CDH13: variants seen among roughly 807,000 people sequenced by gnomAD.
The protein encoded by CDH13 is cadherin 13.
In CDH13, 24 loss-of-function variants were observed where a neutral mutation model predicts 63.8. The observed-to-expected ratio is 0.38, with a 90% CI of 0.27 to 0.53. The LOEUF (loss-of-function observed/expected upper bound fraction) is 0.53, where lower values mean the gene tolerates loss of function less well. Among genes scored for constraint, CDH13 ranks in the 20% least tolerant of loss-of-function variants. CDH13 has a pLI of 0.85. For synonymous variants in CDH13, 503 were observed against 355.3 expected (o/e 1.42, Z -4.67); for missense variants, 1,049 against 903.1 (o/e 1.16, Z -2.07).
chr16:83,339,260 A>C (rs1421905762), intron 5 of CDH13, among the ~76,000 whole-genome samples: 2 of 152,172 alleles, frequency 1.3e-5, no homozygotes, highest in Non-Finnish European at 2.9e-5. Context: ...CTGAGAGAGG[A>C]GCCATCCTCT....
chr16:83,665,697 G>A (rs1327248432), intron 8 of CDH13, among the ~76,000 whole-genome samples: 2 of 152,164 alleles, frequency 1.3e-5, no homozygotes, highest in African/African-American at 4.8e-5. Context: ...GGTCAAACAT[G>A]CAACTAGTCA....
chr16:83,461,250 A>G (rs2073174861), intron 6 of CDH13, among the ~76,000 whole-genome samples: 1 of 152,188 alleles, frequency 6.6e-6, no homozygotes. Flanking sequence ...CTATTTATAT[A>G]TAAAATATAT....
chr16:82,640,576 G>T (rs1379164134), intron 1 of CDH13, among the ~76,000 whole-genome samples: 1 of 152,122 alleles, frequency 6.6e-6, no homozygotes, highest in East Asian at 1.9e-4. Context: ...CACAAGCAGA[G>T]CTAGATTGGT....
At chr16:82,674,587 G>A (rs1039631819) in intron 1 of CDH13, among the ~76,000 whole-genome samples, 1 of 152,172 alleles carries the variant, frequency 6.6e-6, no homozygotes, top group Non-Finnish European at 1.5e-5. Context: ...CTTGGATCAG[G>A]TACGTGAAAC....
At chr16:82,873,076 T>A (rs1000130950) in intron 2 of CDH13, among the ~76,000 whole-genome samples, 3 of 152,082 alleles carry the variant, frequency 2.0e-5, no homozygotes, top group Non-Finnish European at 2.9e-5. Flanking sequence ...TGCTGAAGAA[T>A]GGGTGGTCAA....
chr16:83,721,454 G>A (rs1318116226), intron 10 of CDH13: 2 of 152,240 alleles, frequency 1.3e-5, no homozygotes, highest in African/African-American at 2.4e-5. Context: ...GTTTATTCTT[G>A]TAAGGCTGCC....
intron 9 of CDH13, among the ~76,000 whole-genome samples, chr16:83,677,933 C>G (rs1915097285): frequency 6.6e-6 from 1 of 152,098 alleles, no homozygotes; most frequent in African/African-American, 2.4e-5. Context: ...CACTCAGTGT[C>G]CGGATCACTA....
chr16:82,823,517 C>A (rs2038102447), intron 1 of CDH13: 1 of 152,154 alleles, frequency 6.6e-6, no homozygotes, highest in Non-Finnish European at 1.5e-5. Context: ...TAAGTGTGTA[C>A]TCAAGATGCT....
chr16:83,660,659 G>T (rs530561767), intron 8 of CDH13, among the ~76,000 whole-genome samples: 2 of 152,268 alleles, frequency 1.3e-5, no homozygotes, highest in South Asian at 4.1e-4. Context: ...TAAATATGCA[G>T]AATTGCATAA....
intron 3 of CDH13, among the ~76,000 whole-genome samples, chr16:83,067,650 A>G (rs1383393137): frequency 6.6e-6 from 1 of 152,224 alleles, no homozygotes. Context: ...TTTTAGTGCA[A>G]TTGATTTATT....
chr16:83,313,901 C>G (rs190242082), intron 5 of CDH13, among the ~76,000 whole-genome samples: 2 of 152,246 alleles, frequency 1.3e-5, no homozygotes, highest in East Asian at 3.9e-4. Context: ...TATTACATTG[C>G]TAAGGTAACC....
intron 2 of CDH13, among the ~76,000 whole-genome samples, chr16:82,967,532 C>T (rs897299491): frequency 2.0e-5 from 3 of 152,182 alleles, no homozygotes; most frequent in African/African-American, 7.2e-5. Flanking sequence ...GCATTAAGTG[C>T]CCATTTCCCC....
chr16:83,760,713 A>G (rs1416815986), intron 11 of CDH13, among the ~76,000 whole-genome samples: 1 of 152,250 alleles, frequency 6.6e-6, no homozygotes, highest in African/African-American at 2.4e-5. Context: ...GGGTGTGTTC[A>G]GATTGTGAAA....
At chr16:82,663,798 G>A (rs28578776) in intron 1 of CDH13, among the ~76,000 whole-genome samples, 37,078 of 152,030 alleles carry the variant, frequency 0.24, 4,674 homozygotes, top group South Asian at 0.31. Context: ...GTGATCTCTG[G>A]TCCCCTTTGT....
chr16:83,358,614 G>A (rs777514997), intron 6 of CDH13, among the ~76,000 whole-genome samples: 97 of 152,218 alleles, frequency 6.4e-4, no homozygotes, highest in Admixed American at 9.2e-4. Context: ...GTAAAAATTA[G>A]AGCCCAGACT....
chr16:82,863,979 C>T (rs1264054562), intron 2 of CDH13, among the ~76,000 whole-genome samples: 1 of 152,154 alleles, frequency 6.6e-6, no homozygotes, highest in Non-Finnish European at 1.5e-5. Flanking sequence ...TTTTGCCAGG[C>T]TTTCCTTTTA....
intron 1 of CDH13, among the ~76,000 whole-genome samples, chr16:82,764,119 T>C (rs542754404): frequency 6.6e-6 from 1 of 152,230 alleles, no homozygotes; most frequent in African/African-American, 2.4e-5. Flanking sequence ...TCACATGTTA[T>C]TCTCACCAGA....
chr16:83,795,069 T>C lies in CDH13; in HGVS notation c.*39T>C, dbSNP rs374050735. Reference sequence around the variant, plus strand: ...CTGAAGCTTGACTCCCAAGTTTCCATAGCAACAGGAAAAAAAAAAATCTAT... The same window carrying C: ...CTGAAGCTTGACTCCCAAGTTTCCACAGCAACAGGAAAAAAAAAAATCTAT... On this transcript the variant is annotated 3_prime_UTR_variant, in exon 14 of 14. Coordinates refer to ENST00000567109, the MANE Select transcript of CDH13 (RefSeq NM_001257.5). 1.9e-6 allele frequency: 3 copies of C among 1,552,550 alleles called. No homozygotes were observed. Among genetic ancestry groups the C allele is most frequent in the East Asian group, 4.6e-5 (2 of 43,096 alleles).
chr16:83,118,553 A>T (rs1485575680), intron 3 of CDH13, among the ~76,000 whole-genome samples: 1 of 152,162 alleles, frequency 6.6e-6, no homozygotes, highest in Admixed American at 6.5e-5. Flanking sequence ...TCCACAGCCG[A>T]ATTACTCACT....
Sources: allele counts gnomAD v4.1 joint callset (sites outside exome capture counted in the v4.1 genomes callset), GRCh38; gene constraint gnomAD v4.1.1; transcripts MANE v1.5; gene names NCBI Gene and HGNC (gene_info 2026-07-23, HGNC 2026-07-21).